Variants in ULK4 observed in about 807,000 individuals in gnomAD.
ULK4 encodes the protein unc-51 like kinase 4, also known as inactive serine/threonine-protein kinase ULK4.
In ULK4, 133 loss-of-function variants were observed where a neutral mutation model predicts 160.6. That is an observed-to-expected ratio of 0.83 (90% CI 0.72 to 0.96). The LOEUF (loss-of-function observed/expected upper bound fraction) is 0.96, where lower values mean the gene tolerates loss of function less well. ULK4 is among the 40% of genes least tolerant of loss of function. The pLI is 0.00. For synonymous variants in ULK4, 534 were observed against 539.8 expected (o/e 0.99, Z 0.15); for missense variants, 1,580 against 1,499.5 (o/e 1.05, Z -0.89).
At chr3:41,761,893 C>T (rs79548696) in intron 21 of ULK4, among the ~76,000 whole-genome samples, 46,012 of 151,736 alleles carry the variant, frequency 0.3, 9,870 homozygotes, top group African/African-American at 0.62. Context: ...CTGGGCAACA[C>T]AGCAAGACCT....
At position 41,790,926 on chromosome 3, in the gene ULK4, T is replaced by C. The variant is rs374687676; in HGVS notation, c.2011-1083A>G. 1.1e-4 allele frequency among the ~76,000 whole-genome samples: 16 copies of C among 152,290 alleles called. No homozygotes were observed. In the East Asian group the frequency reaches 2.9e-3, roughly 28 times the overall value. ...TAAGCTATGAATAGTTTTATAAAAA[T>C]ACTCATTATAATATCATATAAGCTC... On this transcript the variant is annotated intron_variant, in intron 20 of 36. Transcript: ENST00000301831.
At chr3:41,835,800 T>C in intron 18 of ULK4, 64 bp downstream of exon 18, 4 of 1,269,532 alleles carry the variant, frequency 3.2e-6, no homozygotes, top group South Asian at 1.3e-5. Context: ...AGGATATTAA[T>C]ACTTGTCAGC....
In ULK4 at chr3:41,597,733, C is replaced by T. The variant is rs561603245; in HGVS notation, c.3120+17936G>A. ...CTCTTTGATTACTGCCCCAAGAATG[C>T]TGATTTACCACTGGATAATTCTTAA... On this transcript the variant is annotated intron_variant, in intron 31 of 36. Coordinates refer to ENST00000301831, the MANE Select transcript of ULK4 (RefSeq NM_017886.4). Among the ~76,000 whole-genome samples the T allele has an allele frequency of 2.6e-5, 4 of 152,264 alleles. No individual in the cohort carries two copies. The Middle Eastern group carries it at 0.01, about 388-fold the overall frequency.
At chr3:41,721,843 C>T (rs1346020856) in intron 22 of ULK4, among the ~76,000 whole-genome samples, 4 of 152,164 alleles carry the variant, frequency 2.6e-5, no homozygotes, top group African/African-American at 9.7e-5. Context: ...AAGTGTCAGG[C>T]TGACTTTACA....
At chr3:41,772,097 T>C (rs2039405403) in intron 21 of ULK4, among the ~76,000 whole-genome samples, 1 of 152,118 alleles carries the variant, frequency 6.6e-6, no homozygotes, top group South Asian at 2.1e-4. Context: ...TTTATAGCTC[T>C]AAATGCCCAC....
intron 34 of ULK4, among the ~76,000 whole-genome samples, chr3:41,445,589 T>A (rs1250657227): frequency 6.6e-6 from 1 of 152,166 alleles, no homozygotes; most frequent in Non-Finnish European, 1.5e-5. Flanking sequence ...AACCATCTGA[T>A]CTTTGACAAA....
chr3:41,337,526 T>C (rs1042644904), intron 35 of ULK4, among the ~76,000 whole-genome samples: 10 of 152,134 alleles, frequency 6.6e-5, no homozygotes, highest in African/African-American at 2.4e-4. Flanking sequence ...CACGCAGGTA[T>C]GTGCAGACGT....
chr3:41,620,690 C>T (rs1256520657), intron 30 of ULK4, among the ~76,000 whole-genome samples: 1 of 152,098 alleles, frequency 6.6e-6, no homozygotes, highest in African/African-American at 2.4e-5. Flanking sequence ...GAAGCATTCC[C>T]TTTGAAAACC....
chr3:41,710,118 A>C (rs545060668), intron 25 of ULK4, among the ~76,000 whole-genome samples: 2 of 152,264 alleles, frequency 1.3e-5, no homozygotes, highest in East Asian at 3.9e-4. Context: ...TATATATATA[A>C]ATAAAGCTTG....
chr3:41,875,647 G>T (rs1697269523), intron 17 of ULK4, among the ~76,000 whole-genome samples: 1 of 150,896 alleles, frequency 6.6e-6, no homozygotes. Flanking sequence ...ATAATCTGTT[G>T]AAAATAAAGA....
At chr3:41,429,347 C>G (rs2082849871) in intron 34 of ULK4, among the ~76,000 whole-genome samples, 1 of 152,150 alleles carries the variant, frequency 6.6e-6, no homozygotes, top group South Asian at 2.1e-4. Flanking sequence ...GTGATGATTC[C>G]TTAAAAACCT....
chr3:41,767,456 G>A (rs1281763762), intron 21 of ULK4, among the ~76,000 whole-genome samples: 1 of 152,076 alleles, frequency 6.6e-6, no homozygotes, highest in Non-Finnish European at 1.5e-5. Context: ...TGTTCACTAA[G>A]TTCAATTAAT....
intron 31 of ULK4, among the ~76,000 whole-genome samples, chr3:41,574,851 C>A (rs912926131): frequency 6.6e-6 from 1 of 152,262 alleles, no homozygotes; most frequent in East Asian, 1.9e-4. Flanking sequence ...AGGCCCCAGA[C>A]TCCTCTTTCT....
chr3:41,742,450 A>T (rs2038274310), intron 22 of ULK4, among the ~76,000 whole-genome samples: 1 of 151,940 alleles, frequency 6.6e-6, no homozygotes, highest in African/African-American at 2.4e-5. Flanking sequence ...TTCCCCTACA[A>T]AATTAGTGTC....
At chr3:41,514,992 C>T (rs973317555) in intron 32 of ULK4, among the ~76,000 whole-genome samples, 33 of 152,054 alleles carry the variant, frequency 2.2e-4, no homozygotes, top group African/African-American at 7.0e-4. Context: ...TGGTGGCTCA[C>T]GCTTGTAATT....
chr3:41,429,773 G>A (rs1203562374), intron 34 of ULK4, among the ~76,000 whole-genome samples: 1 of 152,118 alleles, frequency 6.6e-6, no homozygotes, highest in African/African-American at 2.4e-5. Flanking sequence ...GAGAGCACCA[G>A]GATAAATAGC....
chr3:41,583,431 A>G (rs1270782189), intron 31 of ULK4, among the ~76,000 whole-genome samples: 1 of 152,196 alleles, frequency 6.6e-6, no homozygotes, highest in Admixed American at 6.5e-5. Context: ...AATTTTACCC[A>G]TTCTGCTATC....
chr3:41,715,999 G>T (rs1328086085), intron 23 of ULK4, among the ~76,000 whole-genome samples: 3 of 151,658 alleles, frequency 2.0e-5, no homozygotes, highest in African/African-American at 7.3e-5. Flanking sequence ...AGATCACGAG[G>T]TCAGGAGATC....
At chr3:41,724,757 T>A (rs888020723) in intron 22 of ULK4, among the ~76,000 whole-genome samples, 3 of 152,066 alleles carry the variant, frequency 2.0e-5, no homozygotes, top group Admixed American at 6.5e-5. Flanking sequence ...AGTTTTTCTA[T>A]ATCTTTGCCA....
Sources: allele counts gnomAD v4.1 joint callset (sites outside exome capture counted in the v4.1 genomes callset), GRCh38; gene constraint gnomAD v4.1.1; transcripts MANE v1.5; gene names NCBI Gene and HGNC (gene_info 2026-07-23, HGNC 2026-07-21).